Variants in SDK1 observed in about 807,000 individuals in gnomAD.
SDK1 encodes sidekick cell adhesion molecule 1.
SDK1 carries 157 observed loss-of-function variants against 245.5 expected under a neutral mutation model. The observed-to-expected ratio is 0.64, with a 90% CI of 0.56 to 0.73. SDK1 has a LOEUF of 0.73. Ranked by LOEUF, SDK1 falls within the 30% of genes least tolerant of loss-of-function variation. The pLI, the probability that SDK1 is intolerant of heterozygous loss-of-function variation, is 0.00. For synonymous variants in SDK1, 1,647 were observed against 1,278.5 expected, an observed-to-expected ratio of 1.29 and a Z score of -6.15; for missense variants, 3,583 against 3,002.3, an observed-to-expected ratio of 1.19 and a Z score of -4.52.
chr7:3,317,844 C>A (rs1436149817), intron 1 of SDK1, among the ~76,000 whole-genome samples: 2 of 152,062 alleles, frequency 1.3e-5, no homozygotes, highest in African/African-American at 4.8e-5. Flanking sequence ...CTAAGGTAAC[C>A]TTTCATTCCA....
intron 38 of SDK1, among the ~76,000 whole-genome samples, chr7:4,215,575 C>A (rs916400479): frequency 1.3e-5 from 2 of 152,230 alleles, no homozygotes; most frequent in African/African-American, 4.8e-5. Flanking sequence ...CAGCCAACCC[C>A]CAGTGAGACT....
intron 25 of SDK1, among the ~76,000 whole-genome samples, chr7:4,117,889 G>A (rs908438665): frequency 6.6e-6 from 1 of 152,198 alleles, no homozygotes; most frequent in African/African-American, 2.4e-5. Context: ...CTGAAACTCT[G>A]CCTGCAGAGG....
intron 1 of SDK1, among the ~76,000 whole-genome samples, chr7:3,471,452 T>C (rs1781178215): frequency 6.6e-6 from 1 of 152,204 alleles, no homozygotes; most frequent in East Asian, 1.9e-4. Flanking sequence ...CACACCATTA[T>C]TTTTAATATG....
chr7:3,720,465 A>T (rs1005842831), intron 4 of SDK1, among the ~76,000 whole-genome samples: 6 of 152,234 alleles, frequency 3.9e-5, no homozygotes, highest in African/African-American at 1.4e-4. Context: ...TGGCAAACAA[A>T]CATGTATAAA....
intron 25 of SDK1, among the ~76,000 whole-genome samples, chr7:4,124,473 G>A (rs1037634748): frequency 4.6e-5 from 7 of 152,162 alleles, no homozygotes; most frequent in Non-Finnish European, 7.3e-5. Context: ...TTGTGTGTCT[G>A]TGGACAAATT....
chr7:3,685,694 G>A (rs1784261356), intron 4 of SDK1, among the ~76,000 whole-genome samples: 2 of 152,240 alleles, frequency 1.3e-5, no homozygotes, highest in Admixed American at 6.5e-5. Context: ...CTAAATGGAA[G>A]TAAGGTTTCT....
At chr7:3,979,356 T>G (rs1783216863) in intron 13 of SDK1, among the ~76,000 whole-genome samples, 1 of 152,214 alleles carries the variant, frequency 6.6e-6, no homozygotes, top group African/African-American at 2.4e-5. Context: ...AACAGCACCC[T>G]GCCTCCTGGG....
chr7:3,304,475 G>A (rs1373658791), intron 1 of SDK1, among the ~76,000 whole-genome samples: 1 of 152,194 alleles, frequency 6.6e-6, no homozygotes, highest in Non-Finnish European at 1.5e-5. Context: ...GCAGTGTTCA[G>A]TAGACCTCCT....
chr7:3,778,517 A>G (rs1381808316), intron 4 of SDK1, among the ~76,000 whole-genome samples: 3 of 152,212 alleles, frequency 2.0e-5, no homozygotes, highest in Non-Finnish European at 4.4e-5. Flanking sequence ...GTTTCATCTA[A>G]CAGTTATTTC....
chr7:3,551,180 C>G (rs1295231124), intron 1 of SDK1, among the ~76,000 whole-genome samples: 3 of 152,094 alleles, frequency 2.0e-5, no homozygotes, highest in Non-Finnish European at 4.4e-5. Context: ...CCGGCCAACA[C>G]CGGGGGTGGG....
At chr7:3,427,726 A>G (rs1779716650) in intron 1 of SDK1, among the ~76,000 whole-genome samples, 1 of 152,028 alleles carries the variant, frequency 6.6e-6, no homozygotes, top group Non-Finnish European at 1.5e-5. Context: ...AGTTTCATTA[A>G]TGTGAAGTTT....
intron 1 of SDK1, among the ~76,000 whole-genome samples, chr7:3,325,082 G>C (rs1402997938): frequency 6.6e-6 from 1 of 152,026 alleles, no homozygotes; most frequent in Non-Finnish European, 1.5e-5. Flanking sequence ...GGTTCCTTGG[G>C]AAGAAGATCT....
intron 4 of SDK1, among the ~76,000 whole-genome samples, chr7:3,700,447 A>G (rs1339953130): frequency 1.3e-5 from 2 of 152,212 alleles, no homozygotes; most frequent in East Asian, 3.9e-4. Context: ...GACTTAAAGA[A>G]TGGTAAGGTT....
intron 14 of SDK1, among the ~76,000 whole-genome samples, chr7:4,009,393 C>G (rs1190499870): frequency 6.6e-6 from 1 of 152,208 alleles, no homozygotes; most frequent in Non-Finnish European, 1.5e-5. Flanking sequence ...GTAAGGGAGA[C>G]TGCTTAGCAA....
chr7:4,046,812 T>TCC (rs1789045800), intron 17 of SDK1, among the ~76,000 whole-genome samples: 1 of 151,508 alleles, frequency 6.6e-6, no homozygotes, highest in African/African-American at 2.4e-5. Context: ...AGGAGATATC[T>TCC]AGCTGTGATT....
chr7:3,536,245 T>C (rs1778884227), intron 1 of SDK1, among the ~76,000 whole-genome samples: 1 of 151,636 alleles, frequency 6.6e-6, no homozygotes, highest in African/African-American at 2.4e-5. Flanking sequence ...TGTGTGTGTT[T>C]TTACTAGAGA....
chr7:4,179,428 G>C (rs1159306912), intron 35 of SDK1, among the ~76,000 whole-genome samples: 2 of 152,102 alleles, frequency 1.3e-5, no homozygotes, highest in African/African-American at 4.8e-5. Flanking sequence ...GACTGCGGGG[G>C]CCAGAGGAGG....
At chr7:3,652,163 G>A (rs1411533413) in intron 4 of SDK1, among the ~76,000 whole-genome samples, 1 of 152,178 alleles carries the variant, frequency 6.6e-6, no homozygotes, top group African/African-American at 2.4e-5. Flanking sequence ...AACTCTTTGG[G>A]CATTTTTCTT....
chr7:4,213,421 AAAAG>A lies in SDK1; in HGVS notation c.5539+3263_5539+3266del, dbSNP rs553000014. On this transcript the variant is annotated intron_variant, in intron 38 of 44. Coordinates refer to ENST00000404826, the MANE Select transcript of SDK1 (RefSeq NM_152744.4). ...AGCAAGACTCCGTCTCAAAAAAAAA[AAAAG>A]AAAACAAAAATTAGCTGGGCATGGT... Among the ~76,000 whole-genome samples, 1,031 of 151,256 alleles carry A rather than the reference AAAAG, an allele frequency of 6.8e-3. 11 individuals carry two copies. Among genetic ancestry groups the A allele is most frequent in the African/African-American group, 0.024 (981 of 41,142 alleles).
Sources: allele counts gnomAD v4.1 joint callset (sites outside exome capture counted in the v4.1 genomes callset), GRCh38; gene constraint gnomAD v4.1.1; transcripts MANE v1.5; gene names NCBI Gene and HGNC (gene_info 2026-07-23, HGNC 2026-07-21).